The following HCN1 variants were observed in gnomAD, a reference collection of about 807,000 sequenced individuals.
The protein encoded by HCN1 is hyperpolarization activated cyclic nucleotide gated potassium channel 1.
Under a neutral mutation model 78.9 loss-of-function variants are expected in HCN1, and 13 were observed. That is an observed-to-expected ratio of 0.16 (90% CI 0.11 to 0.26). HCN1 has a LOEUF of 0.26. Among genes scored for constraint, HCN1 ranks in the 10% least tolerant of loss-of-function variants. The pLI is 1.00. For synonymous variants in HCN1, 552 were observed against 455.5 expected (o/e 1.21, Z -2.70); for missense variants, 810 against 1,154.3 (o/e 0.70, Z 4.32).
intron 3 of HCN1, among the ~76,000 whole-genome samples, chr5:45,427,773 A>C (rs932586421): frequency 2.0e-5 from 3 of 152,144 alleles, no homozygotes; most frequent in Admixed American, 6.5e-5. Flanking sequence ...TTACATTAAA[A>C]CAAAGTATAA....
intron 2 of HCN1, among the ~76,000 whole-genome samples, chr5:45,546,947 A>G (rs972471524): frequency 7.2e-5 from 11 of 151,846 alleles, no homozygotes; most frequent in African/African-American, 2.7e-4. Flanking sequence ...TTCAGTCCGC[A>G]TCGTCTTAGT....
At chr5:45,421,646 A>G (rs1252887577) in intron 3 of HCN1, among the ~76,000 whole-genome samples, 1 of 152,188 alleles carries the variant, frequency 6.6e-6, no homozygotes, top group Non-Finnish European at 1.5e-5. Flanking sequence ...TCTATTTTTT[A>G]AAGTAAAGGA....
chr5:45,496,503 T>G (rs192086460), intron 2 of HCN1, among the ~76,000 whole-genome samples: 244 of 152,338 alleles, frequency 1.6e-3, no homozygotes, highest in African/African-American at 5.7e-3. Context: ...GGTCCTGGAC[T>G]CTTTTTGGTT....
At chr5:45,643,719 T>A (rs894918781) in intron 2 of HCN1, 9 of 152,106 alleles carry the variant, frequency 5.9e-5, no homozygotes, top group African/African-American at 2.2e-4. Flanking sequence ...TATATTTACA[T>A]CTTTGTGTTG....
chr5:45,426,486 C>T (rs1356303521), intron 3 of HCN1, among the ~76,000 whole-genome samples: 2 of 152,112 alleles, frequency 1.3e-5, no homozygotes, highest in Non-Finnish European at 2.9e-5. Context: ...TTCTCATGAT[C>T]GTGAATAAGT....
intron 2 of HCN1, among the ~76,000 whole-genome samples, chr5:45,601,634 G>A (rs1166069919): frequency 7.9e-5 from 12 of 152,126 alleles, no homozygotes; most frequent in Admixed American, 6.6e-4. Flanking sequence ...GCTGCCCAGA[G>A]TCCTTTAGAA....
intron 4 of HCN1, among the ~76,000 whole-genome samples, chr5:45,395,681 A>T (rs1739672256): frequency 6.6e-6 from 1 of 152,194 alleles, no homozygotes; most frequent in South Asian, 2.1e-4. Context: ...GCTCTTTGGC[A>T]AGGTGCATGA....
At chr5:45,682,256 CAT>C (rs997230551) in intron 1 of HCN1, among the ~76,000 whole-genome samples, 15 of 132,080 alleles carry the variant, frequency 1.1e-4, no homozygotes, top group Middle Eastern at 7.8e-3. Flanking sequence ...AACAAGATAT[CAT>C]ATATATATAT....
chr5:45,411,041 T>A (rs1740011497), intron 3 of HCN1, among the ~76,000 whole-genome samples: 1 of 152,074 alleles, frequency 6.6e-6, no homozygotes, highest in African/African-American at 2.4e-5. Flanking sequence ...ATAATCAAGC[T>A]AAATACCCTT....
intron 6 of HCN1, among the ~76,000 whole-genome samples, chr5:45,299,415 C>A (rs190298921): frequency 1.3e-5 from 2 of 151,964 alleles, no homozygotes; most frequent in Non-Finnish European, 2.9e-5. Context: ...CTTCATCTCT[C>A]GCTCTCTGTC....
chr5:45,570,765 T>A (rs904969961), intron 2 of HCN1, among the ~76,000 whole-genome samples: 1 of 152,106 alleles, frequency 6.6e-6, no homozygotes, highest in Non-Finnish European at 1.5e-5. Flanking sequence ...GATAAGTAGA[T>A]AAATAGAGTA....
Position 45,451,805 on chromosome 5 carries a change from G to A in HCN1, c.1011+10041C>T, listed in dbSNP as rs184369127. On this transcript the variant is annotated intron_variant, in intron 3 of 7. Transcript: ENST00000303230. Reference sequence around the variant, plus strand: ...TCAAATTCAATTATATCCACATTTGGTATGTAGTTAAAATTCAACATATTT... The same window carrying A: ...TCAAATTCAATTATATCCACATTTGATATGTAGTTAAAATTCAACATATTT... Among the ~76,000 whole-genome samples, 133 of 151,974 alleles carry A rather than the reference G, an allele frequency of 8.8e-4. 1 individual carries two copies. The highest frequency in any genetic ancestry group is 2.8e-3 in the African/African-American group (116 of 41,506).
chr5:45,695,535 C>A, intron 1 of HCN1, 134 bp downstream of exon 1: 1 of 856,132 alleles, frequency 1.2e-6, no homozygotes, highest in East Asian at 2.7e-5. Flanking sequence ...CCTGCTTAGC[C>A]CGAGCCGACG....
At chr5:45,367,314 T>C (rs1231511544) in intron 4 of HCN1, among the ~76,000 whole-genome samples, 1 of 151,828 alleles carries the variant, frequency 6.6e-6, no homozygotes, top group Admixed American at 6.6e-5. Flanking sequence ...TTGGTGAATA[T>C]CAATGATTGA....
At chr5:45,569,364 G>GT (rs1743779153) in intron 2 of HCN1, among the ~76,000 whole-genome samples, 1 of 152,050 alleles carries the variant, frequency 6.6e-6, no homozygotes, top group African/African-American at 2.4e-5. Context: ...TCCTCTAAAT[G>GT]TAATATTAAA....
At chr5:45,650,791 C>G (rs906686818) in intron 1 of HCN1, among the ~76,000 whole-genome samples, 9 of 151,532 alleles carry the variant, frequency 5.9e-5, no homozygotes, top group African/African-American at 1.9e-4. Flanking sequence ...ACTTTTTTTT[C>G]TCTACCCACA....
At chr5:45,610,403 A>G (rs1254607697) in intron 2 of HCN1, among the ~76,000 whole-genome samples, 1 of 151,872 alleles carries the variant, frequency 6.6e-6, no homozygotes, top group Non-Finnish European at 1.5e-5. Context: ...GCTGAAATTA[A>G]TACTGTTGTC....
At chr5:45,612,318 T>C (rs1311844855) in intron 2 of HCN1, among the ~76,000 whole-genome samples, 2 of 152,190 alleles carry the variant, frequency 1.3e-5, no homozygotes, top group African/African-American at 2.4e-5. Flanking sequence ...CATTTATCTT[T>C]CAACCTATAA....
rs117095150 is a variant in HCN1 at position 45,484,526 on chromosome 5, C to T, written c.850-22519G>A. On this transcript the variant is annotated intron_variant, in intron 2 of 7. Transcript: ENST00000303230. The stretch of plus-strand genomic sequence containing the variant: ...CAGACATGACTCAAAGAGGGGGTCC[C>T]CTTGCCCTCCCCCTCTCTTCCTTTT... Among the ~76,000 whole-genome samples the T allele has an allele frequency of 4.1e-3, 628 of 152,214 alleles. 27 individuals carry two copies. In the East Asian group the frequency reaches 0.11, roughly 27 times the overall value.
Sources: allele counts gnomAD v4.1 joint callset (sites outside exome capture counted in the v4.1 genomes callset), GRCh38; gene constraint gnomAD v4.1.1; transcripts MANE v1.5; gene names NCBI Gene and HGNC (gene_info 2026-07-23, HGNC 2026-07-21).